ICOS: variants seen among roughly 807,000 people sequenced by gnomAD.
ICOS encodes the protein inducible T cell costimulator, also known as inducible T-cell costimulator.
In ICOS, 15 loss-of-function variants were observed where a neutral mutation model predicts 24.6. The observed-to-expected ratio is 0.61, with a 90% CI of 0.41 to 0.94. ICOS has a LOEUF of 0.94. Ranked by LOEUF, ICOS falls within the 40% of genes least tolerant of loss-of-function variation. The probability of loss-of-function intolerance (pLI) is 0.00; values close to 1 mark genes in which losing one functional copy is unlikely to be tolerated. For missense variants in ICOS, 200 were observed against 233.0 expected (o/e 0.86, Z 0.92); for synonymous variants, 89 against 77.5 (o/e 1.15, Z -0.78).
intron 1 of ICOS, among the ~76,000 whole-genome samples, chr2:203,940,944 T>A (rs1409983561): frequency 2.6e-5 from 4 of 152,038 alleles, no homozygotes; most frequent in African/African-American, 9.7e-5. Context: ...CCACCACGCC[T>A]GGCTAATTTT....
Position 203,959,677 on chromosome 2 carries a change from G to A in ICOS, c.*78G>A, listed in dbSNP as rs1553499834. 5.9e-6 allele frequency: 8 copies of A among 1,349,980 alleles called. No homozygotes were observed. Among genetic ancestry groups the A allele is most frequent in the Admixed American group, 3.4e-5 (2 of 59,574 alleles). The allele number at this position is 1,349,980 out of a possible 1,614,324, so 83.6% of individuals were successfully genotyped here. ...TGAAGTGCAAGATTCTCTTATTTCC[G>A]GGACCACGGAGAGTCTGACTTAACT... On this transcript the variant is annotated 3_prime_UTR_variant, in exon 5 of 5. Coordinates refer to ENST00000316386, the MANE Select transcript of ICOS (RefSeq NM_012092.4).
intron 1 of ICOS, among the ~76,000 whole-genome samples, chr2:203,953,389 G>T (rs1237316480): frequency 6.6e-6 from 1 of 151,980 alleles, no homozygotes; most frequent in Non-Finnish European, 1.5e-5. Context: ...AATATTTTTG[G>T]ACATTTGTTC....
chr2:203,946,606 G>T (rs1255470034), intron 1 of ICOS, among the ~76,000 whole-genome samples: 1 of 152,054 alleles, frequency 6.6e-6, no homozygotes, highest in Non-Finnish European at 1.5e-5. Context: ...GGTTTTAGCT[G>T]GTAGACTCAT....
chr2:203,954,458 G>A (rs1032953392), intron 1 of ICOS, among the ~76,000 whole-genome samples: 1 of 151,990 alleles, frequency 6.6e-6, no homozygotes, highest in South Asian at 2.1e-4. Context: ...ATATGGTGGT[G>A]TGTGCCTGTA....
intron 1 of ICOS, among the ~76,000 whole-genome samples, chr2:203,952,222 A>G (rs1689992077): frequency 6.6e-6 from 1 of 152,190 alleles, no homozygotes; most frequent in Non-Finnish European, 1.5e-5. Flanking sequence ...TTGTGATACT[A>G]ATTCAGATTA....
In ICOS at chr2:203,959,853, C is replaced by G. The variant is rs1201937939; in HGVS notation, c.*254C>G. ...TTGGAGAAAGCCCAGCTCCTGTGTGCTCACTGGGAGTGGAATCCCTGTCTC... is the reference window on the plus strand; with the variant it reads ...TTGGAGAAAGCCCAGCTCCTGTGTGGTCACTGGGAGTGGAATCCCTGTCTC... On this transcript the variant is annotated 3_prime_UTR_variant, in exon 5 of 5. Coordinates refer to ENST00000316386, the MANE Select transcript of ICOS (RefSeq NM_012092.4). 1 of 575,402 alleles carries G rather than the reference C, an allele frequency of 1.7e-6. No homozygotes were observed. Among genetic ancestry groups the G allele is most frequent in the Non-Finnish European group, 3.1e-6 (1 of 318,840 alleles). 35.6% of individuals were successfully genotyped at this position (575,402 alleles called of 1,614,324 possible).
chr2:203,955,836 T>A lies in ICOS; in HGVS notation c.259T>A (p.Leu87Ile), dbSNP rs1266149006. ...GAGTCTGAAATTCTGCCATTCTCAG[T>A]TATCCAACAACAGTGTCTCTTTTTT... ...IKSLKFCHSQ[L>I]SNNSVSFFLY... is the part of the protein sequence containing the mutation. The change falls in exon 2 of 5, where the codon TTA (leucine) becomes ATA (isoleucine). Residue 87 changes from leucine (L) to isoleucine (I), a missense_variant. Leu to Ile is a conservative substitution (Grantham distance 5). Coordinates refer to ENST00000316386, the MANE Select transcript of ICOS (RefSeq NM_012092.4). 6.2e-7 allele frequency: 1 copy of A among 1,613,798 alleles called. No homozygotes were observed. Among genetic ancestry groups the A allele is most frequent in the East Asian group, 2.2e-5 (1 of 44,860 alleles).
chr2:203,956,118 T>C (rs974712045), intron 2 of ICOS, 147 bp downstream of exon 2: 2 of 623,672 alleles, frequency 3.2e-6, no homozygotes, highest in East Asian at 2.8e-5. Context: ...ATAATGAAGA[T>C]ATACAGGTGA....
Position 203,959,728 on chromosome 2 carries a change from T to C in ICOS, c.*129T>C, listed in dbSNP as rs889174903. The C allele has an allele frequency of 4.5e-5, 39 of 865,732 alleles. No individual in the cohort carries two copies. The highest frequency in any genetic ancestry group is 7.4e-5 in the Non-Finnish European group (38 of 515,092). 53.6% of individuals were successfully genotyped at this position (865,732 alleles called of 1,614,324 possible). On this transcript the variant is annotated 3_prime_UTR_variant, in exon 5 of 5. Transcript: ENST00000316386. ...ACATACATCTTCTGCTGGTGTTTTG[T>C]TCAATCTGGAAGAATGACTGTATCA...
rs577668320 is a variant in ICOS, at chr2:203,941,363, A to G, written c.58+4491A>G. Among the ~76,000 whole-genome samples the G allele has an allele frequency of 2.6e-5, 4 of 152,140 alleles. No homozygotes were observed. The East Asian group carries it at 7.7e-4, about 29-fold the overall frequency. ...CTCCTTCAGATGAAATGGATATTTC[A>G]GTTTTAAGTTACTAGTAGCATATTC... On this transcript the variant is annotated intron_variant, in intron 1 of 4. Transcript: ENST00000316386.
intron 1 of ICOS, among the ~76,000 whole-genome samples, chr2:203,944,349 C>T (rs939683809): frequency 1.3e-5 from 2 of 152,126 alleles, no homozygotes; most frequent in African/African-American, 4.8e-5. Flanking sequence ...GTATTTTGCT[C>T]CGTTTGGCTC....
Position 203,940,646 on chromosome 2 carries a change from C to G in ICOS, c.58+3774C>G, listed in dbSNP as rs140014991. On this transcript the variant is annotated intron_variant, in intron 1 of 4. Transcript: ENST00000316386. ...TGTGGGTGAAGAGTTTGATGGTAGT[C>G]TAACTCTCATTCCTTTGTAAAAAAA... Among the ~76,000 whole-genome samples, 371 of 135,984 alleles carry G rather than the reference C, an allele frequency of 2.7e-3. 3 individuals are homozygous for G. The highest frequency in any genetic ancestry group is 9.7e-3 in the African/African-American group (334 of 34,552). 89.2% of individuals were successfully genotyped at this position (135,984 alleles called of 152,430 possible).
In ICOS at chr2:203,959,597, T is replaced by C. The variant is rs1339717287; in HGVS notation, c.598T>C (p.Ter200GlnextTer32). 6.2e-7 allele frequency: 1 copy of C among 1,613,288 alleles called. No homozygotes were observed. The highest frequency in any genetic ancestry group is 1.1e-5 in the South Asian group (1 of 91,054). ...AATTTTTGTTACAGATGTGACCCTA[T>C]AATATGGAACTCTGGCACCCAGGCA... Reference protein sequence around the residue: ...KKSRLTDVTL* With the variant: ...KKSRLTDVTLQ The change falls in exon 5 of 5, where the codon TAA becomes CAA. Residue 200 changes from the stop codon to glutamine (Q), a stop_lost. Coordinates refer to ENST00000316386, the MANE Select transcript of ICOS (RefSeq NM_012092.4).
At chr2:203,952,153 C>T (rs1432455454) in intron 1 of ICOS, among the ~76,000 whole-genome samples, 1 of 151,462 alleles carries the variant, frequency 6.6e-6, no homozygotes, top group African/African-American at 2.4e-5. Flanking sequence ...GTCAGCACCC[C>T]TATTTCCTTC....
At position 203,957,857 on chromosome 2, in the gene ICOS, A is replaced by G. The variant is rs1690103950; in HGVS notation, c.560A>G (p.Asn187Ser). ...GAATACATGTTCATGAGAGCAGTGAACACAGCCAAAAAATCTAGACTCACA... is the reference window on the plus strand; with the variant it reads ...GAATACATGTTCATGAGAGCAGTGAGCACAGCCAAAAAATCTAGACTCACA... ...NGEYMFMRAV[N>S]TAKKSRLTDV... Residue 187 changes from asparagine to serine, a missense_variant, in exon 4 of 5, where the codon AAC (asparagine) becomes AGC (serine). Coordinates refer to ENST00000316386, the MANE Select transcript of ICOS (RefSeq NM_012092.4). 1.9e-6 allele frequency: 3 copies of G among 1,612,646 alleles called. No individual in the cohort carries two copies. Among genetic ancestry groups the G allele is most frequent in the Non-Finnish European group, 2.5e-6 (3 of 1,178,684 alleles).
Position 203,960,107 on chromosome 2 carries a change from T to C in ICOS, c.*508T>C, listed in dbSNP as rs547337733. On this transcript the variant is annotated 3_prime_UTR_variant, in exon 5 of 5. Transcript: ENST00000316386. The stretch of plus-strand genomic sequence containing the variant: ...CTGGAGCTATTTTATTTCTGAGATG[T>C]TGATGTGAACTGTACATTAGTACAT... The C allele has an allele frequency of 1.1e-4, 28 of 243,968 alleles. No individual in the cohort carries two copies. Among genetic ancestry groups the C allele is most frequent in the East Asian group, 4.6e-4 (5 of 10,944 alleles). 15.1% of individuals were successfully genotyped at this position (243,968 alleles called of 1,614,324 possible). A position where few individuals can be genotyped will look rare whatever the true frequency, so the allele number is the denominator to read the frequency against.
rs1241063957 is a variant in ICOS at position 203,960,977 on chromosome 2, A to G, written c.*1378A>G. The G allele has an allele frequency of 7.9e-5, 12 of 152,224 alleles. No individual in the cohort carries two copies. Among genetic ancestry groups the G allele is most frequent in the Admixed American group, 7.9e-4 (12 of 15,278 alleles). 9.4% of individuals were successfully genotyped at this position (152,224 alleles called of 1,614,324 possible). Reference sequence around the variant, plus strand: ...CCTTCAAGATAGCCTTCTTTAGAATATGATTTGGCTAGAAAGATTCTTAAA... The same window carrying G: ...CCTTCAAGATAGCCTTCTTTAGAATGTGATTTGGCTAGAAAGATTCTTAAA... On this transcript the variant is annotated 3_prime_UTR_variant, in exon 5 of 5. Coordinates refer to ENST00000316386, the MANE Select transcript of ICOS (RefSeq NM_012092.4).
At chr2:203,950,509 T>C (rs1307499195) in intron 1 of ICOS, among the ~76,000 whole-genome samples, 3 of 152,192 alleles carry the variant, frequency 2.0e-5, no homozygotes, top group Non-Finnish European at 4.4e-5. Context: ...TCAATATGAG[T>C]GTCAGTCAGA....
At chr2:203,949,641 A>G (rs1689935448) in intron 1 of ICOS, among the ~76,000 whole-genome samples, 1 of 152,228 alleles carries the variant, frequency 6.6e-6, no homozygotes, top group African/African-American at 2.4e-5. Flanking sequence ...CAAAGATAGT[A>G]TGAGAGAGGA....
Sources: gnomAD v4.1 joint callset for allele counts (sites outside exome capture counted in the v4.1 genomes callset) on GRCh38, gnomAD v4.1.1 for gene constraint, MANE v1.5 for transcripts, NCBI Gene and HGNC (gene_info 2026-07-23, HGNC 2026-07-21) for gene names.